Variants in SF3A1 observed in about 807,000 individuals in gnomAD.
SF3A1 encodes the protein splicing factor 3a subunit 1, also known as SAP 114.
Under a neutral mutation model 89.9 loss-of-function variants are expected in SF3A1, and 13 were observed. That is an observed-to-expected ratio of 0.14 (90% CI 0.09 to 0.23). SF3A1 has a LOEUF of 0.23. SF3A1 is among the 10% of genes least tolerant of loss of function. The pLI is 1.00. For missense variants in SF3A1, 604 were observed against 1,022.1 expected (o/e 0.59, Z 5.58); for synonymous variants, 405 against 374.4 (o/e 1.08, Z -0.94).
chr22:30,342,595 A>C (rs762147482), intron 5 of SF3A1: 1 of 625,024 alleles, frequency 1.6e-6, no homozygotes, highest in Non-Finnish European at 2.8e-6. Flanking sequence ...AAAGAGGGAG[A>C]TATATTGAGG....
Position 30,356,764 on chromosome 22 carries a change from G to T in SF3A1, c.29C>A (p.Pro10His), listed in dbSNP as rs1375663376. 6.8e-7 allele frequency: 1 copy of T among 1,479,276 alleles called. No homozygotes were observed. Among genetic ancestry groups the T allele is most frequent in the South Asian group, 1.3e-5 (1 of 74,776 alleles). The allele number at this position is 1,479,276 out of a possible 1,614,324, so 91.6% of individuals were successfully genotyped here. A position where few individuals can be genotyped will look rare whatever the true frequency, so the allele number is the denominator to read the frequency against. MPAGPVQAV[P>H]PPPPVPTEPK... ...CTCCGTGGGCACGGGCGGCGGCGGG[G>T]GCACCGCCTGCACGGGTCCGGCCGG... Residue 10 changes from proline (P) to histidine (H), a missense_variant, in exon 1 of 16, where the codon CCC becomes CAC. Coordinates refer to ENST00000215793, the MANE Select transcript of SF3A1 (RefSeq NM_005877.6).
chr22:30,335,616 CATGCACCTG>C (rs999404812), intron 14 of SF3A1, 27 bp downstream of exon 14: 2 of 1,612,654 alleles, frequency 1.2e-6, no homozygotes, highest in African/African-American at 2.7e-5. Flanking sequence ...GCTTGGTTCC[CATGCACCTG>C]ATGCCAGTTT....
intron 6 of SF3A1, 27 bp from the exon 7 acceptor site, chr22:30,341,912 AT>A: frequency 6.3e-7 from 1 of 1,599,420 alleles, no homozygotes; most frequent in Non-Finnish European, 8.5e-7. Flanking sequence ...AGGCAAAGGT[AT>A]TCCTTATCAA....
intron 2 of SF3A1, among the ~76,000 whole-genome samples, chr22:30,347,656 TGTCA>T (rs1457339337): frequency 6.6e-6 from 1 of 152,204 alleles, no homozygotes; most frequent in Non-Finnish European, 1.5e-5. Context: ...ACAACACCTG[TGTCA>T]GTCAGAAAGT....
At chr22:30,336,973 G>T in intron 13 of SF3A1, 53 bp downstream of exon 13, 1 of 1,607,532 alleles carries the variant, frequency 6.2e-7, no homozygotes, top group Non-Finnish European at 8.5e-7. Flanking sequence ...TACGACAGGG[G>T]CGGGACTGAA....
Position 30,342,272 on chromosome 22 carries a change from C to G in SF3A1, c.805G>C (p.Val269Leu). 1.2e-6 allele frequency: 2 copies of G among 1,614,216 alleles called. No homozygotes were observed. Among genetic ancestry groups the G allele is most frequent in the Non-Finnish European group, 1.7e-6 (2 of 1,180,034 alleles). ...TGCCAGTCGATCTGAGCATAGGCCA[C>G]CCGCTCCTTCTCCTTCTCCTCTTCT... ...KEEEEKEKER[V>L]AYAQIDWHDF... Residue 269 changes from valine to leucine, a missense_variant, in exon 6 of 16, where the codon GTG (valine) becomes CTG (leucine). Physicochemically the swap from Val to Leu is conservative, Grantham distance 32 (BLOSUM62 1). Around this residue, in one of 9 missense-constraint regions of SF3A1, gnomAD observed 6 missense variants for 36.3 expected, o/e 0.17. Coordinates refer to ENST00000215793, the MANE Select transcript of SF3A1 (RefSeq NM_005877.6).
chr22:30,346,976 C>T (rs1931440626), intron 2 of SF3A1, among the ~76,000 whole-genome samples: 1 of 152,144 alleles, frequency 6.6e-6, no homozygotes, highest in South Asian at 2.1e-4. Context: ...GAGACTAATT[C>T]TCTTAGTTCA....
At chr22:30,356,215 G>A (rs1931826551) in intron 1 of SF3A1, among the ~76,000 whole-genome samples, 1 of 152,192 alleles carries the variant, frequency 6.6e-6, no homozygotes. Context: ...TCCCTAGGCA[G>A]GGACCATGCC....
At position 30,352,999 on chromosome 22, in the gene SF3A1, G is replaced by A; in HGVS notation, c.137C>T (p.Pro46Leu). The A allele has an allele frequency of 6.2e-7, 1 of 1,614,194 alleles. No individual in the cohort carries two copies. The highest frequency in any genetic ancestry group is 8.5e-7 in the Non-Finnish European group (1 of 1,180,024). Residue 46 changes from proline (P) to leucine (L), a missense_variant, in exon 2 of 16, where the codon CCT (proline) becomes CTT (leucine). Transcript: ENST00000215793. Reference sequence around the variant, plus strand: ...GTCAACAATATTTCTGACCTCTGGAGGAGGGTAAATAATCCCCACAACTGG... The same window carrying A: ...GTCAACAATATTTCTGACCTCTGGAAGAGGGTAAATAATCCCCACAACTGG... ...SKPVVGIIYP[P>L]PEVRNIVDKT...
chr22:30,339,639 C>T (rs9606719), intron 9 of SF3A1, among the ~76,000 whole-genome samples: 10,089 of 152,208 alleles, frequency 0.066, 474 homozygotes, highest in Non-Finnish European at 0.11. Context: ...GCCTGTAATC[C>T]CAGCTACTTG....
chr22:30,346,219 G>T, intron 3 of SF3A1, 93 bp downstream of exon 3: 1 of 850,956 alleles, frequency 1.2e-6, no homozygotes, highest in Non-Finnish European at 1.9e-6. Context: ...CTCCCTGGGT[G>T]GTTGTGAGAT....
chr22:30,350,855 C>T (rs1931570781), intron 2 of SF3A1, among the ~76,000 whole-genome samples: 1 of 152,196 alleles, frequency 6.6e-6, no homozygotes, highest in South Asian at 2.1e-4. Flanking sequence ...AAACATTTAT[C>T]TTAAACACAA....
chr22:30,339,613 G>A (rs1471781061), intron 9 of SF3A1, among the ~76,000 whole-genome samples: 9 of 152,224 alleles, frequency 5.9e-5, no homozygotes, highest in East Asian at 5.8e-4. Flanking sequence ...AAAATTAGCC[G>A]GGTGTGGTGG....
chr22:30,341,992 C>A, intron 6 of SF3A1, 107 bp from the exon 7 acceptor site: 1 of 1,243,196 alleles, frequency 8.0e-7, no homozygotes, highest in Non-Finnish European at 1.1e-6. Context: ...CTCCAGCTAT[C>A]TCCAGAGGCC....
At chr22:30,343,290 T>C (rs928183025) in intron 4 of SF3A1, among the ~76,000 whole-genome samples, 4 of 152,164 alleles carry the variant, frequency 2.6e-5, no homozygotes, top group African/African-American at 7.2e-5. Context: ...CACCTCCCTC[T>C]ATTTCTGCTC....
At chr22:30,349,411 G>T (rs1302059101) in intron 2 of SF3A1, among the ~76,000 whole-genome samples, 1 of 152,174 alleles carries the variant, frequency 6.6e-6, no homozygotes, top group African/African-American at 2.4e-5. Flanking sequence ...CTCCCAAGTA[G>T]CTGGGACTAC....
At chr22:30,339,091 G>A (rs749085123) in intron 10 of SF3A1, 39 bp downstream of exon 10, 105 of 1,613,558 alleles carry the variant, frequency 6.5e-5, no homozygotes, top group Non-Finnish European at 7.2e-5. Flanking sequence ...TATGGAAGAC[G>A]GGGGGCAGAG....
intron 2 of SF3A1, among the ~76,000 whole-genome samples, chr22:30,347,724 C>G (rs147441029): frequency 6.6e-6 from 1 of 152,244 alleles, no homozygotes; most frequent in Non-Finnish European, 1.5e-5. Flanking sequence ...AGGTTCACTG[C>G]TGACTCACTC....
chr22:30,340,929 T>A lies in SF3A1; in HGVS notation c.1072-117A>T, dbSNP rs12159316. ...TGGCCTCTGCCAGCCAGCGTCCATGTGCTAAGCCTCCCAGGGCAGCTGAGG... is the reference window on the plus strand; with the variant it reads ...TGGCCTCTGCCAGCCAGCGTCCATGAGCTAAGCCTCCCAGGGCAGCTGAGG... On this transcript the variant is annotated intron_variant, in intron 7 of 15. Coordinates refer to ENST00000215793, the MANE Select transcript of SF3A1 (RefSeq NM_005877.6). 701 of 671,536 alleles carry A rather than the reference T, an allele frequency of 1.0e-3. 3 individuals are homozygous for A. In the African/African-American group the frequency reaches 0.012, roughly 11 times the overall value. The allele number at this position is 671,536 out of a possible 1,614,324, so 41.6% of individuals were successfully genotyped here. A position where few individuals can be genotyped will look rare whatever the true frequency, so the allele number is the denominator to read the frequency against.
Sources: gnomAD v4.1 joint callset for allele counts (sites outside exome capture counted in the v4.1 genomes callset) on GRCh38, gnomAD v4.1.1 for gene constraint, gnomAD v4.1.1 regional missense constraint, MANE v1.5 for transcripts, NCBI Gene and HGNC (gene_info 2026-07-23, HGNC 2026-07-21) for gene names.